IPO11: variants seen among roughly 807,000 people sequenced by gnomAD.
The protein encoded by IPO11 is importin 11.
A neutral mutation model predicts 143.2 loss-of-function variants in IPO11; 66 were observed. That is an observed-to-expected ratio of 0.46 (90% CI 0.38 to 0.57). The LOEUF (loss-of-function observed/expected upper bound fraction) is 0.57, where lower values mean the gene tolerates loss of function less well. IPO11 is among the 20% of genes least tolerant of loss of function. IPO11 has a pLI of 0.00. For missense variants in IPO11, 1,026 were observed against 1,141.0 expected (o/e 0.90, Z 1.45); for synonymous variants, 385 against 377.8 (o/e 1.02, Z -0.22).
intron 27 of IPO11, among the ~76,000 whole-genome samples, chr5:62,584,487 C>T (rs1561373954): frequency 6.6e-6 from 1 of 151,716 alleles, no homozygotes; most frequent in African/African-American, 2.4e-5. Flanking sequence ...GTGGCCTGTG[C>T]CCGTAGTCCT....
At chr5:62,530,028 A>G (rs1163087124) in intron 21 of IPO11, among the ~76,000 whole-genome samples, 2 of 152,186 alleles carry the variant, frequency 1.3e-5, no homozygotes, top group Non-Finnish European at 2.9e-5. Flanking sequence ...TACTAAGTTC[A>G]TATTTATTAA....
chr5:62,579,174 T>C (rs1163942816), intron 27 of IPO11, among the ~76,000 whole-genome samples: 1 of 152,130 alleles, frequency 6.6e-6, no homozygotes, highest in African/African-American at 2.4e-5. Context: ...TAGCAAATGT[T>C]TCATTAATCT....
rs143093665 is a variant in IPO11, at chr5:62,456,193, G to A, written c.516+4260G>A. 7.2e-3 allele frequency among the ~76,000 whole-genome samples: 1,100 copies of A among 152,140 alleles called. 13 individuals are homozygous for A. Among genetic ancestry groups the A allele is most frequent in the African/African-American group, 0.025 (1,035 of 41,498 alleles). ...TGCCTGGCTAATTTTTGTGTTTTTG[G>A]TAGAGATGGGGTTTTGCCATGTTGG... On this transcript the variant is annotated intron_variant, in intron 5 of 29. Coordinates refer to ENST00000325324, the MANE Select transcript of IPO11 (RefSeq NM_016338.5).
At chr5:62,428,917 TA>T (rs1743864970) in intron 1 of IPO11, among the ~76,000 whole-genome samples, 1 of 152,128 alleles carries the variant, frequency 6.6e-6, no homozygotes, top group Non-Finnish European at 1.5e-5. Flanking sequence ...TCCTCCTGCC[TA>T]AACCTCCCAA....
At chr5:62,626,550 G>T (rs1489141713) in intron 29 of IPO11, among the ~76,000 whole-genome samples, 7 of 152,130 alleles carry the variant, frequency 4.6e-5, no homozygotes, top group Non-Finnish European at 1.0e-4. Flanking sequence ...GATAGAAGAA[G>T]CCAAAATATT....
chr5:62,565,879 G>A (rs1396842845), intron 27 of IPO11, among the ~76,000 whole-genome samples: 1 of 151,620 alleles, frequency 6.6e-6, no homozygotes, highest in Non-Finnish European at 1.5e-5. Flanking sequence ...AGCATGCAGT[G>A]CTTGGTTTTC....
chr5:62,493,795 C>G lies in IPO11; in HGVS notation c.1464-203C>G, dbSNP rs550289903. ...TGTTGCCCAGATTGGTCTTCAACTCCTGGCCTCAAGTGATTTGCCCTCCTT... is the reference window on the plus strand; with the variant it reads ...TGTTGCCCAGATTGGTCTTCAACTCGTGGCCTCAAGTGATTTGCCCTCCTT... On this transcript the variant is annotated intron_variant, in intron 15 of 29. Transcript: ENST00000325324. Among the ~76,000 whole-genome samples, 3 of 152,250 alleles carry G rather than the reference C, an allele frequency of 2.0e-5. No individual in the cohort carries two copies. The East Asian group carries it at 5.8e-4, about 29-fold the overall frequency.
In IPO11 at chr5:62,563,604, A is replaced by G. The variant is rs370888772; in HGVS notation, c.2582+2347A>G. ...ATTTTTGAGATTTTGAAATATTTGC[A>G]TATATATAACAAGATATTTTGGGGA... On this transcript the variant is annotated intron_variant, in intron 27 of 29. Coordinates refer to ENST00000325324, the MANE Select transcript of IPO11 (RefSeq NM_016338.5). 4.1e-4 allele frequency among the ~76,000 whole-genome samples: 63 copies of G among 152,274 alleles called. No homozygotes were observed. In the East Asian group the frequency reaches 7.7e-3, roughly 19 times the overall value.
rs185536580 is a variant in IPO11 at position 62,572,986 on chromosome 5, T to G, written c.2582+11729T>G. ...GTTTGTTACGAAAAACCTCCTATCGTAAATTATATACGAACAAAATTTTAT... is the reference window on the plus strand; with the variant it reads ...GTTTGTTACGAAAAACCTCCTATCGGAAATTATATACGAACAAAATTTTAT... On this transcript the variant is annotated intron_variant, in intron 27 of 29. Transcript: ENST00000325324. 6.0e-3 allele frequency among the ~76,000 whole-genome samples: 918 copies of G among 152,320 alleles called. 5 individuals are homozygous for G. The highest frequency in any genetic ancestry group is 0.01 in the Admixed American group (158 of 15,292).
chr5:62,483,343 A>G, intron 10 of IPO11, 50 bp downstream of exon 10: 1 of 1,090,520 alleles, frequency 9.2e-7, no homozygotes, highest in Non-Finnish European at 1.3e-6. Context: ...CTTAAGTGTG[A>G]TATAATTGCT....
intron 24 of IPO11, among the ~76,000 whole-genome samples, chr5:62,544,226 C>A (rs533723313): frequency 9.9e-5 from 15 of 152,228 alleles, no homozygotes; most frequent in African/African-American, 3.6e-4. Context: ...CAAACCGAAT[C>A]CAGCAGCACA....
chr5:62,623,524 G>A (rs972056464), intron 29 of IPO11, among the ~76,000 whole-genome samples: 13 of 152,138 alleles, frequency 8.5e-5, no homozygotes, highest in African/African-American at 3.1e-4. Flanking sequence ...ATAGAGTGAA[G>A]TGGAAGCAAG....
intron 7 of IPO11, among the ~76,000 whole-genome samples, chr5:62,472,835 T>C (rs572506086): frequency 1.3e-5 from 2 of 152,266 alleles, no homozygotes; most frequent in Non-Finnish European, 2.9e-5. Context: ...GGCTTAAAAA[T>C]CTTAAAAATA....
chr5:62,503,383 AT>A (rs1222771099), intron 16 of IPO11, among the ~76,000 whole-genome samples: 2 of 145,030 alleles, frequency 1.4e-5, no homozygotes, highest in Non-Finnish European at 3.0e-5. Context: ...TAATATATTA[AT>A]AGTATCTATT....
At chr5:62,449,768 T>G (rs1001445970) in intron 3 of IPO11, 159 bp from the exon 4 acceptor site, 1 of 474,404 alleles carries the variant, frequency 2.1e-6, no homozygotes, top group Admixed American at 4.1e-5. Flanking sequence ...TTCACAGTAG[T>G]GCCAATATAC....
At position 62,552,256 on chromosome 5, in the gene IPO11, T is replaced by C. The variant is rs74366442; in HGVS notation, c.2460+920T>C. 8.7e-4 allele frequency among the ~76,000 whole-genome samples: 132 copies of C among 152,252 alleles called. 3 individuals carry two copies. The East Asian group carries it at 0.021, about 24-fold the overall frequency. ...ACGAATATATCTACAATGGAGACAA[T>C]TTTTTAAAATCTTTTGGTTTATGGC... On this transcript the variant is annotated intron_variant, in intron 26 of 29. Transcript: ENST00000325324.
intron 15 of IPO11, among the ~76,000 whole-genome samples, chr5:62,492,064 G>A (rs1369892428): frequency 2.0e-4 from 30 of 152,162 alleles, no homozygotes; most frequent in Admixed American, 1.9e-3. Context: ...ATGTACATAT[G>A]AGTCACCTGG....
At chr5:62,519,080 G>A (rs1273647024) in intron 20 of IPO11, among the ~76,000 whole-genome samples, 1 of 152,150 alleles carries the variant, frequency 6.6e-6, no homozygotes, top group Non-Finnish European at 1.5e-5. Context: ...CCTGACAGAG[G>A]TGTTACTCAA....
At chr5:62,624,606 A>G (rs562193068) in intron 29 of IPO11, among the ~76,000 whole-genome samples, 7 of 152,184 alleles carry the variant, frequency 4.6e-5, no homozygotes, top group Non-Finnish European at 8.8e-5. Context: ...CTGAACTCCT[A>G]TCTCATCTTA....
Sources: allele counts gnomAD v4.1 joint callset (sites outside exome capture counted in the v4.1 genomes callset), GRCh38; gene constraint gnomAD v4.1.1; transcripts MANE v1.5; gene names NCBI Gene and HGNC (gene_info 2026-07-23, HGNC 2026-07-21).